PLEKHG5: variants seen among roughly 807,000 people sequenced by gnomAD.
PLEKHG5 encodes pleckstrin homology and RhoGEF domain containing G5, also known as pleckstrin homology domain-containing family G member 5.
In PLEKHG5, 52 loss-of-function variants were observed where a neutral mutation model predicts 103.8. The ratio of observed to expected loss-of-function variants is 0.50; its 90% confidence interval spans 0.40 to 0.63. The LOEUF (loss-of-function observed/expected upper bound fraction) is 0.63, where lower values mean the gene tolerates loss of function less well. PLEKHG5 is among the 30% of genes least tolerant of loss of function. PLEKHG5 has a pLI of 0.00. For missense variants in PLEKHG5, 1,205 were observed against 1,347.6 expected, an observed-to-expected ratio of 0.89 and a Z score of 1.66; for synonymous variants, 592 against 575.5, an observed-to-expected ratio of 1.03 and a Z score of -0.41.
chr1:6,506,964 C>T (rs921295840), intron 1 of PLEKHG5, among the ~76,000 whole-genome samples: 11 of 152,296 alleles, frequency 7.2e-5, no homozygotes, highest in East Asian at 3.9e-4. Context: ...TCATTGCTCC[C>T]GAGCGGCGGG....
intron 4 of PLEKHG5, 145 bp downstream of exon 4, chr1:6,475,317 C>A: frequency 1.3e-6 from 1 of 755,714 alleles, no homozygotes; most frequent in South Asian, 1.4e-5. Flanking sequence ...GGAACCCCAG[C>A]AAGAAAGGGA....
At chr1:6,494,494 G>T (rs556741754), upstream of PLEKHG5, among the ~76,000 whole-genome samples, 1 of 152,164 alleles carries the variant, frequency 6.6e-6, no homozygotes, top group African/African-American at 2.4e-5. Context: ...AAACTCCTGG[G>T]CTAAAGCAGT....
intron 1 of PLEKHG5, among the ~76,000 whole-genome samples, chr1:6,516,192 C>T (rs1037920116): frequency 1.3e-5 from 2 of 152,128 alleles, no homozygotes; most frequent in African/African-American, 4.8e-5. Context: ...GAGGCTGAGG[C>T]AGGAGGATTG....
chr1:6,502,371 T>C (rs1398197437), intron 1 of PLEKHG5, among the ~76,000 whole-genome samples: 1 of 152,254 alleles, frequency 6.6e-6, no homozygotes, highest in Non-Finnish European at 1.5e-5. Flanking sequence ...AGGACACTGC[T>C]TCTGCCTACA....
intron 1 of PLEKHG5, among the ~76,000 whole-genome samples, chr1:6,502,416 C>T (rs931372126): frequency 6.6e-6 from 1 of 152,202 alleles, no homozygotes; most frequent in African/African-American, 2.4e-5. Flanking sequence ...CCCCGGGGAC[C>T]GGAGAGCTGA....
intron 1 of PLEKHG5, chr1:6,485,580 C>T (rs12742395): frequency 1.2e-6 from 1 of 867,496 alleles, no homozygotes; most frequent in Non-Finnish European, 1.5e-6. Flanking sequence ...CAGCCCCCAG[C>T]CCCCCAGGAA....
intron 12 of PLEKHG5, 187 bp downstream of exon 12, chr1:6,471,301 T>C (rs1557741524): frequency 1.3e-6 from 1 of 776,568 alleles, no homozygotes; most frequent in Non-Finnish European, 2.1e-6. Flanking sequence ...CAGGGGTAGA[T>C]GGTCAGGTGG....
At chr1:6,485,585 C>A (rs1645013667) in intron 1 of PLEKHG5, 1 of 835,682 alleles carries the variant, frequency 1.2e-6, no homozygotes, top group Non-Finnish European at 1.6e-6. Flanking sequence ...CCCAGCCCCC[C>A]AGGAAGGCGG....
At chr1:6,500,882 C>T (rs901219567), upstream of PLEKHG5, among the ~76,000 whole-genome samples, 1 of 152,188 alleles carries the variant, frequency 6.6e-6, no homozygotes, top group Non-Finnish European at 1.5e-5. Flanking sequence ...GCCTACTCGC[C>T]AGTTCTCCCC....
intron 2 of PLEKHG5, 100 bp from the exon 3 acceptor site, chr1:6,476,136 C>G: frequency 1.0e-6 from 1 of 993,338 alleles, no homozygotes; most frequent in South Asian, 1.3e-5. Context: ...CTGGAACCCC[C>G]AGATTAAAGG....
At chr1:6,482,459 A>C (rs1644928174) in intron 1 of PLEKHG5, among the ~76,000 whole-genome samples, 1 of 152,144 alleles carries the variant, frequency 6.6e-6, no homozygotes, top group Non-Finnish European at 1.5e-5. Context: ...GACAGGAGGG[A>C]GGAGGAGGCC....
chr1:6,510,982 A>G (rs2148636966), intron 1 of PLEKHG5, among the ~76,000 whole-genome samples: 1 of 152,180 alleles, frequency 6.6e-6, no homozygotes, highest in South Asian at 2.1e-4. Flanking sequence ...TCAGCTACTC[A>G]GGAGGCTGAG....
chr1:6,500,540 C>T (rs919400980), upstream of PLEKHG5, among the ~76,000 whole-genome samples: 6 of 151,076 alleles, frequency 4.0e-5, no homozygotes, highest in Admixed American at 2.6e-4. Context: ...GCTAAGCAAA[C>T]CTGGAACCCT....
In PLEKHG5 at chr1:6,490,531, G is replaced by C. The variant is rs1645131043; in HGVS notation, c.-88+1106C>G. The C allele has an allele frequency of 1.0e-6, 1 of 985,226 alleles. No individual in the cohort carries two copies. The highest frequency in any genetic ancestry group is 1.7e-5 in the African/African-American group (1 of 57,240). The allele number at this position is 985,226 out of a possible 1,614,324, so 61.0% of individuals were successfully genotyped here. ...GCCAAAGCCTCATGGGGCGCGCGGG[G>C]AGAGGGGGACGGGAGCCGCGGGACG... On this transcript the variant is annotated intron_variant, in intron 1 of 20. Coordinates refer to ENST00000377728, the MANE Select transcript of PLEKHG5 (RefSeq NM_020631.6). The surrounding 1 kb of genome is among the most constrained non-coding windows in gnomAD (Gnocchi z 8.0).
Position 6,473,469 on chromosome 1 carries a change from G to T in PLEKHG5, c.592-15C>A. On this transcript the variant is annotated splice_polypyrimidine_tract_variant and intron_variant, in intron 7 of 20. Transcript: ENST00000377728. Reference sequence around the variant, plus strand: ...CGGCCAGGGGCCTGGTCAGGGAAGGGTGGTCAGGGCCGGGACCCCCTGCCA... The same window carrying T: ...CGGCCAGGGGCCTGGTCAGGGAAGGTTGGTCAGGGCCGGGACCCCCTGCCA... The T allele has an allele frequency of 4.0e-6, 6 of 1,513,722 alleles. No homozygotes were observed. The highest frequency in any genetic ancestry group is 5.3e-6 in the Non-Finnish European group (6 of 1,131,880). 93.8% of individuals were successfully genotyped at this position (1,513,722 alleles called of 1,614,324 possible).
In PLEKHG5 at chr1:6,473,085, G is replaced by A. The variant is rs1184300626; in HGVS notation, c.885C>T (p.Asp295=). 8.7e-6 allele frequency: 14 copies of A among 1,613,948 alleles called. No individual in the cohort carries two copies. The highest frequency in any genetic ancestry group is 1.2e-5 in the Non-Finnish European group (14 of 1,179,914). ...LPRLPRGLRF[D]HDSWEEEYDE... ...CGTACTCCTCCTCCCAGGAGTCATG[G>A]TCGAAGCGCAGCCCCCGGGGCAGCC... is the stretch of plus-strand genomic sequence containing the variant. The change falls in exon 9 of 21, where the codon GAC becomes GAT. Residue 295 remains aspartate (D), a synonymous_variant. Coordinates refer to ENST00000377728, the MANE Select transcript of PLEKHG5 (RefSeq NM_020631.6).
At chr1:6,476,414 A>G (rs1241626202) in intron 2 of PLEKHG5, among the ~76,000 whole-genome samples, 2 of 151,952 alleles carry the variant, frequency 1.3e-5, no homozygotes, top group Non-Finnish European at 2.9e-5. Context: ...GCTGTTCTCA[A>G]ACTCCTGACC....
rs1415401013 is a variant in PLEKHG5, at chr1:6,471,479, C to A, written c.1281+9G>T. On this transcript the variant is annotated intron_variant, in intron 12 of 20. Coordinates refer to ENST00000377728, the MANE Select transcript of PLEKHG5 (RefSeq NM_020631.6). ...CAGTGCCCCCGCCTGCGCCCGGCCCCGCCCGTACCATCTTGAAGCCTTTGA... is the reference window on the plus strand; with the variant it reads ...CAGTGCCCCCGCCTGCGCCCGGCCCAGCCCGTACCATCTTGAAGCCTTTGA... 1.2e-6 allele frequency: 2 copies of A among 1,609,468 alleles called. No individual in the cohort carries two copies. The highest frequency in any genetic ancestry group is 2.2e-5 in the South Asian group (2 of 90,696).
At position 6,487,413 on chromosome 1, in the gene PLEKHG5, G is replaced by A. The variant is rs1245589845; in HGVS notation, c.-88+4224C>T. Among the ~76,000 whole-genome samples the A allele has an allele frequency of 5.3e-5, 8 of 152,190 alleles. No homozygotes were observed. The highest frequency in any genetic ancestry group is 2.1e-4 in the South Asian group (1 of 4,824). On this transcript the variant is annotated intron_variant, in intron 1 of 20. Coordinates refer to ENST00000377728, the MANE Select transcript of PLEKHG5 (RefSeq NM_020631.6). This position sits in a 1 kb window ranked among gnomAD's most constrained non-coding sequence, Gnocchi z 4.1. ...ATTACAGGCATGAGCCACCACACCCGGCCAACAGGCAGAGTTTTGAAAACT... is the reference window on the plus strand; with the variant it reads ...ATTACAGGCATGAGCCACCACACCCAGCCAACAGGCAGAGTTTTGAAAACT...
Sources: gnomAD v4.1 joint callset for allele counts (sites outside exome capture counted in the v4.1 genomes callset) on GRCh38, gnomAD v4.1.1 for gene constraint, Gnocchi (gnomAD v3.1) non-coding constraint, MANE v1.5 for transcripts, NCBI Gene and HGNC (gene_info 2026-07-23, HGNC 2026-07-21) for gene names.